Variants in RFC1 observed in about 807,000 individuals in gnomAD.
RFC1 encodes the protein replication factor C subunit 1.
RFC1 carries 37 observed loss-of-function variants against 137.4 expected under a neutral mutation model. The observed-to-expected ratio is 0.27, with a 90% confidence interval of 0.21 to 0.35. The LOEUF (loss-of-function observed/expected upper bound fraction) is 0.35. RFC1 is among the 10% of genes least tolerant of loss of function. The pLI is 1.00. For missense variants in RFC1, 1,205 were observed against 1,358.5 expected, an observed-to-expected ratio of 0.89 and a Z score of 1.78; for synonymous variants, 429 against 455.7, an observed-to-expected ratio of 0.94 and a Z score of 0.75.
intron 1 of RFC1, among the ~76,000 whole-genome samples, chr4:39,353,154 A>G (rs1741291726): frequency 1.3e-5 from 2 of 152,150 alleles, no homozygotes; most frequent in Admixed American, 6.6e-5. Flanking sequence ...TAATCCCAGT[A>G]CTTTAGGAGG....
rs191807235 is a variant in RFC1 at position 39,309,134 on chromosome 4, G to C, written c.1489-102C>G. On this transcript the variant is annotated intron_variant, in intron 12 of 24. Transcript: ENST00000349703. Reference sequence around the variant, plus strand: ...GAGAGCAATCAGAGATATCCAAGTGGGCTACTCAACCTGGGCTGGTCTTTT... The same window carrying C: ...GAGAGCAATCAGAGATATCCAAGTGCGCTACTCAACCTGGGCTGGTCTTTT... 22 of 1,279,356 alleles carry C rather than the reference G, an allele frequency of 1.7e-5. No individual in the cohort carries two copies. The Admixed American group carries it at 5.4e-4, about 32-fold the overall frequency. 79.3% of individuals were successfully genotyped at this position (1,279,356 alleles called of 1,614,324 possible). A position where few individuals can be genotyped will look rare whatever the true frequency, so the allele number is the denominator to read the frequency against.
chr4:39,359,411 A>G (rs1481602852), intron 1 of RFC1, among the ~76,000 whole-genome samples: 3 of 152,250 alleles, frequency 2.0e-5, no homozygotes, highest in Admixed American at 6.5e-5. Context: ...TGGCATTCGC[A>G]GCAACCCAGA....
chr4:39,300,547 G>T (rs1282626937), intron 19 of RFC1, 133 bp from the exon 20 acceptor site: 2 of 680,644 alleles, frequency 2.9e-6, no homozygotes, highest in African/African-American at 3.6e-5. Flanking sequence ...GTACCGTTTG[G>T]TAGTTTCTTA....
intron 6 of RFC1, among the ~76,000 whole-genome samples, chr4:39,326,061 G>A (rs987265887): frequency 8.5e-5 from 13 of 152,086 alleles, no homozygotes; most frequent in African/African-American, 2.4e-4. Context: ...TTAGCCAGGC[G>A]TAGTGGTGGG....
intron 11 of RFC1, among the ~76,000 whole-genome samples, chr4:39,312,367 A>C (rs1377563603): frequency 6.6e-6 from 1 of 152,192 alleles, no homozygotes; most frequent in East Asian, 1.9e-4. Context: ...AGCTAAACAC[A>C]ATCCTACCCA....
In RFC1 at chr4:39,290,058, T is replaced by C; in HGVS notation, c.3169-19A>G. On this transcript the variant is annotated intron_variant, in intron 23 of 24. Coordinates refer to ENST00000349703, the MANE Select transcript of RFC1 (RefSeq NM_002913.5). ...CTTTCACCTATATGAAAGGAGTAGA[T>C]GGAGTTTTTAAAAATCTAAGTCCCA... 6.4e-7 allele frequency: 1 copy of C among 1,567,690 alleles called. No individual in the cohort carries two copies. The highest frequency in any genetic ancestry group is 1.2e-5 in the South Asian group (1 of 85,490).
At position 39,288,794 on chromosome 4, in the gene RFC1, G is replaced by T; in HGVS notation, c.3411C>A (p.Pro1137=). ...KPSKPEKDKE[P]RKGKGKSSKK ...TCGAACTTTTTCCTTTTCCTTTTCT[G>T]GGCTCCTTATCTTTTTCTGGTTTTG... The change falls in exon 25 of 25, where the codon CCC becomes CCA. Residue 1137 remains proline, a synonymous_variant. Coordinates refer to ENST00000349703, the MANE Select transcript of RFC1 (RefSeq NM_002913.5). 4.3e-6 allele frequency: 7 copies of T among 1,611,950 alleles called. No homozygotes were observed. The highest frequency in any genetic ancestry group is 5.9e-6 in the Non-Finnish European group (7 of 1,179,244).
At chr4:39,350,973 T>TG (rs1560621739) in intron 2 of RFC1, among the ~76,000 whole-genome samples, 1 of 152,146 alleles carries the variant, frequency 6.6e-6, no homozygotes, top group Non-Finnish European at 1.5e-5. Flanking sequence ...AGTGAATGGC[T>TG]GGCACGGTGG....
rs1738415875 is a variant in RFC1, at chr4:39,302,564, C to T, written c.2372G>A (p.Gly791Asp). 4 of 1,611,608 alleles carry T rather than the reference C, an allele frequency of 2.5e-6. No individual in the cohort carries two copies. Among genetic ancestry groups the T allele is most frequent in the Admixed American group, 1.7e-5 (1 of 59,834 alleles). ...CATAGCTGGAGGGGGAATCTTTAAACCTTCTTTAAATGCAATAGACATCAT... is the reference window on the plus strand; with the variant it reads ...CATAGCTGGAGGGGGAATCTTTAAATCTTCTTTAAATGCAATAGACATCAT... ...GAMMSIAFKE[G>D]LKIPPPAMNE... Residue 791 changes from glycine to aspartate, a missense_variant, in exon 18 of 25, where the codon GGT (glycine) becomes GAT (aspartate). By Grantham distance (94) the Gly-to-Asp change is moderately conservative. This residue lies in a region of RFC1 where 962 missense variants were observed against 1,035.3 expected (regional missense o/e 0.93). Coordinates refer to ENST00000349703, the MANE Select transcript of RFC1 (RefSeq NM_002913.5).
At chr4:39,300,441 TA>T in intron 19 of RFC1, 27 bp from the exon 20 acceptor site, 1 of 1,585,306 alleles carries the variant, frequency 6.3e-7, no homozygotes, top group African/African-American at 1.3e-5. Flanking sequence ...ACACACCTAT[TA>T]GAATGGCCAA....
chr4:39,308,743 G>A lies in RFC1; in HGVS notation c.1778C>T (p.Thr593Ile). 6.2e-7 allele frequency: 1 copy of A among 1,614,150 alleles called. No homozygotes were observed. Among genetic ancestry groups the A allele is most frequent in the Non-Finnish European group, 8.5e-7 (1 of 1,180,024 alleles). The change falls in exon 13 of 25, where the codon ACC (threonine) becomes ATC (isoleucine). Residue 593 changes from threonine (T) to isoleucine (I), a missense_variant. Transcript: ENST00000349703. ...NLLWVDKYKPTSLKTIIGQQG... is the reference protein window; with the variant it reads ...NLLWVDKYKPISLKTIIGQQG... ...CTGTCCAATTATGGTCTTGAGCGAG[G>A]TTGGCTTATATTTATCCACCCAGAG... is the stretch of plus-strand genomic sequence containing the variant.
chr4:39,336,662 G>A (rs554866213), intron 4 of RFC1, among the ~76,000 whole-genome samples: 21 of 152,240 alleles, frequency 1.4e-4, no homozygotes, highest in Non-Finnish European at 2.9e-4. Context: ...CTTACATGCC[G>A]TAGCATCCCC....
In RFC1 at chr4:39,302,798, C is replaced by A. The variant is rs774151006; in HGVS notation, c.2279G>T (p.Arg760Leu). 1 of 1,605,260 alleles carries A rather than the reference C, an allele frequency of 6.2e-7. No homozygotes were observed. Among genetic ancestry groups the A allele is most frequent in the Non-Finnish European group, 8.5e-7 (1 of 1,176,850 alleles). Residue 760 changes from arginine to leucine, a missense_variant, in exon 17 of 25, where the codon CGC becomes CTC. By Grantham distance (102) the Arg-to-Leu change is moderately radical. This residue lies in a region of RFC1 where 962 missense variants were observed against 1,035.3 expected (regional missense o/e 0.93). Transcript: ENST00000349703. ...MCNDRNHPKI[R>L]SLVHYCFDLR... ...ATCAAAACAATAATGAACCAGAGAG[C>A]GAATCTTGGGATGATTTCTATCATT...
At chr4:39,305,593 G>A (rs1560595197) in intron 14 of RFC1, among the ~76,000 whole-genome samples, 1 of 152,048 alleles carries the variant, frequency 6.6e-6, no homozygotes. Context: ...GGGTGGCAGA[G>A]TAAAACTGTG....
chr4:39,349,733 G>A (rs562160110), intron 2 of RFC1, among the ~76,000 whole-genome samples: 122 of 152,282 alleles, frequency 8.0e-4, no homozygotes, highest in Non-Finnish European at 1.1e-3. Context: ...GGCCGGGCAC[G>A]GTGGCTCACA....
intron 4 of RFC1, among the ~76,000 whole-genome samples, chr4:39,341,215 T>C (rs1740588643): frequency 6.6e-6 from 1 of 152,174 alleles, no homozygotes; most frequent in South Asian, 2.1e-4. Flanking sequence ...TTTTTCAGGG[T>C]GTCACTGGAA....
intron 21 of RFC1, 153 bp from the exon 22 acceptor site, chr4:39,295,912 C>G (rs1578103877): frequency 1.8e-6 from 1 of 552,120 alleles, no homozygotes; most frequent in Non-Finnish European, 3.0e-6. Context: ...TAACTCTGAT[C>G]TGCTGGTACA....
At chr4:39,348,426 A>AGGGATGGGAAGGGATGGGATGGG (rs1560619794) in intron 2 of RFC1, among the ~76,000 whole-genome samples, 1 of 35,672 alleles carries the variant, frequency 2.8e-5, no homozygotes, top group Non-Finnish European at 7.3e-5. Flanking sequence ...CTGTTTCAAA[A>AGGGATGGGAAGGGATGGGATGGG]AAGAAAAGAA....
intron 12 of RFC1, among the ~76,000 whole-genome samples, chr4:39,311,157 GTAGTAATAA>G (rs1738944317): frequency 2.0e-5 from 3 of 151,992 alleles, no homozygotes; most frequent in Non-Finnish European, 4.4e-5. Flanking sequence ...TTAAAAAATA[GTAGTAATAA>G]TAGTAATATG....
Sources: gnomAD v4.1 joint callset for allele counts (sites outside exome capture counted in the v4.1 genomes callset) on GRCh38, gnomAD v4.1.1 for gene constraint, gnomAD v4.1.1 regional missense constraint, MANE v1.5 for transcripts, NCBI Gene and HGNC (gene_info 2026-07-23, HGNC 2026-07-21) for gene names.